The following MAP7 variants were observed in gnomAD, a reference collection of about 807,000 sequenced individuals.
MAP7 encodes microtubule associated protein 7, also known as ensconsin.
A neutral mutation model predicts 94.8 loss-of-function variants in MAP7; 52 were observed. The observed-to-expected ratio is 0.55, with a 90% CI of 0.44 to 0.69. The LOEUF (loss-of-function observed/expected upper bound fraction) is 0.69, where lower values mean the gene tolerates loss of function less well. Ranked by LOEUF, MAP7 falls within the 30% of genes least tolerant of loss-of-function variation. The pLI is 0.00. For synonymous variants in MAP7, 350 were observed against 357.0 expected, an observed-to-expected ratio of 0.98 and a Z score of 0.22; for missense variants, 940 against 964.6, an observed-to-expected ratio of 0.97 and a Z score of 0.34.
chr6:136,421,842 T>G, intron 1 of MAP7, 43 bp from the exon 2 acceptor site: 1 of 1,465,756 alleles, frequency 6.8e-7, no homozygotes, highest in East Asian at 2.3e-5. Flanking sequence ...TTTAGTTTCT[T>G]AAAATTTCTT....
intron 1 of MAP7, among the ~76,000 whole-genome samples, chr6:136,480,852 A>T (rs1812629681): frequency 6.6e-6 from 1 of 152,026 alleles, no homozygotes; most frequent in Non-Finnish European, 1.5e-5. Flanking sequence ...AGTGGAAGAA[A>T]ATATTTGCAA....
chr6:136,374,472 G>T (rs1035343205), intron 7 of MAP7, among the ~76,000 whole-genome samples: 5 of 152,306 alleles, frequency 3.3e-5, no homozygotes, highest in Non-Finnish European at 7.3e-5. Context: ...CACAGCCGGA[G>T]GCCATTCACC....
chr6:136,420,538 C>G, intron 2 of MAP7: 1 of 258,686 alleles, frequency 3.9e-6, no homozygotes, highest in Non-Finnish European at 7.5e-6. Context: ...GTTGTTTGCT[C>G]ATACAGTACA....
At chr6:136,525,258 C>T (rs1423303496) in intron 1 of MAP7, among the ~76,000 whole-genome samples, 1 of 152,208 alleles carries the variant, frequency 6.6e-6, no homozygotes, top group Non-Finnish European at 1.5e-5. Flanking sequence ...TATACAACCT[C>T]ATGATCTCCT....
intron 16 of MAP7, among the ~76,000 whole-genome samples, chr6:136,350,653 G>C (rs1788911594): frequency 6.6e-6 from 1 of 152,198 alleles, no homozygotes; most frequent in African/African-American, 2.4e-5. Context: ...AAGAGTTTGA[G>C]ACTAGCCTGG....
At chr6:136,384,164 T>C (rs1448788636) in intron 5 of MAP7, among the ~76,000 whole-genome samples, 1 of 152,170 alleles carries the variant, frequency 6.6e-6, no homozygotes, top group Non-Finnish European at 1.5e-5. Context: ...GGTAACATGC[T>C]GGTAACATAG....
chr6:136,537,940 C>T (rs1829016181), intron 1 of MAP7, among the ~76,000 whole-genome samples: 1 of 152,194 alleles, frequency 6.6e-6, no homozygotes, highest in South Asian at 2.1e-4. Flanking sequence ...TGCCACCAAG[C>T]CCAGCTAATT....
At chr6:136,385,959 T>C (rs1274131001) in intron 5 of MAP7, among the ~76,000 whole-genome samples, 1 of 152,008 alleles carries the variant, frequency 6.6e-6, no homozygotes. Flanking sequence ...TTAGTAGAGA[T>C]ATGATTTCTC....
intron 2 of MAP7, among the ~76,000 whole-genome samples, chr6:136,413,518 C>T (rs1396796268): frequency 1.8e-4 from 27 of 148,186 alleles, no homozygotes; most frequent in African/African-American, 6.5e-4. Flanking sequence ...AGCGAGACAC[C>T]GTCTCAGAAA....
At chr6:136,440,978 A>G (rs1476800219) in intron 1 of MAP7, among the ~76,000 whole-genome samples, 1 of 152,208 alleles carries the variant, frequency 6.6e-6, no homozygotes, top group Non-Finnish European at 1.5e-5. Flanking sequence ...TTCACTTAAT[A>G]TAATGTCCTC....
intron 15 of MAP7, among the ~76,000 whole-genome samples, chr6:136,357,584 T>A (rs1235947794): frequency 6.6e-6 from 1 of 152,096 alleles, no homozygotes; most frequent in African/African-American, 2.4e-5. Flanking sequence ...AGCCTCGACC[T>A]CCTGGGCTTA....
At chr6:136,496,364 G>A (rs1469922463) in intron 1 of MAP7, among the ~76,000 whole-genome samples, 4 of 152,118 alleles carry the variant, frequency 2.6e-5, no homozygotes, top group African/African-American at 9.7e-5. Context: ...CTAATAAATG[G>A]ATAGGATGAG....
chr6:136,454,301 A>G (rs1397813736), intron 1 of MAP7, among the ~76,000 whole-genome samples: 1 of 151,434 alleles, frequency 6.6e-6, no homozygotes, highest in Non-Finnish European at 1.5e-5. Flanking sequence ...CTATCTATCT[A>G]TCTATCTATC....
chr6:136,345,836 G>A lies in MAP7; in HGVS notation c.2239+20C>T. 1 of 1,586,682 alleles carries A rather than the reference G, an allele frequency of 6.3e-7. No homozygotes were observed. Among genetic ancestry groups the A allele is most frequent in the Non-Finnish European group, 8.7e-7 (1 of 1,154,968 alleles). On this transcript the variant is annotated intron_variant, in intron 17 of 17. Coordinates refer to ENST00000354570, the MANE Select transcript of MAP7 (RefSeq NM_003980.6). ...CAGATATTTCTGATGACTACAGAAG[G>A]GAGTTGGAGGCAAGCTTACCTGCAG... is the stretch of plus-strand genomic sequence containing the variant.
At position 136,477,059 on chromosome 6, in the gene MAP7, G is replaced by A. The variant is rs556045130; in HGVS notation, c.68-55260C>T. On this transcript the variant is annotated intron_variant, in intron 1 of 17. Transcript: ENST00000354570. ...TAAGAAAGAAGAGAATATTTACATGGTTTCAAAATAATTCCTCATAAGATA... is the reference window on the plus strand; with the variant it reads ...TAAGAAAGAAGAGAATATTTACATGATTTCAAAATAATTCCTCATAAGATA... 2.6e-4 allele frequency among the ~76,000 whole-genome samples: 39 copies of A among 152,260 alleles called. No homozygotes were observed. In the South Asian group the frequency reaches 2.7e-3, roughly 11 times the overall value.
rs1172050529 is a variant in MAP7 at position 136,498,680 on chromosome 6, CTG to C, written c.67+51660_67+51661del. On this transcript the variant is annotated intron_variant, in intron 1 of 17. Transcript: ENST00000354570. ...AATGGAAGATGGAGGAGATGAAAGA[CTG>C]TGTGAACCAAGAGATCCCACAAGCC... Among the ~76,000 whole-genome samples the C allele has an allele frequency of 2.0e-5, 3 of 152,118 alleles. No individual in the cohort carries two copies. The East Asian group carries it at 5.8e-4, about 29-fold the overall frequency.
At position 136,376,298 on chromosome 6, in the gene MAP7, C is replaced by G. The variant is rs566160261; in HGVS notation, c.751+1457G>C. On this transcript the variant is annotated intron_variant, in intron 7 of 17. Coordinates refer to ENST00000354570, the MANE Select transcript of MAP7 (RefSeq NM_003980.6). ...TATTTTTAGTAGAGACGGGGTTTCA[C>G]CGTGTTAGCCAGGATGGTCTCGATT... 9.3e-5 allele frequency among the ~76,000 whole-genome samples: 14 copies of G among 151,340 alleles called. No homozygotes were observed. In the East Asian group the frequency reaches 2.6e-3, roughly 28 times the overall value.
chr6:136,445,106 T>C (rs528872551), intron 1 of MAP7, among the ~76,000 whole-genome samples: 1 of 152,198 alleles, frequency 6.6e-6, no homozygotes, highest in Non-Finnish European at 1.5e-5. Flanking sequence ...CCCCACATTA[T>C]GCCAATTTGG....
chr6:136,407,710 C>T (rs1211945524), intron 3 of MAP7, among the ~76,000 whole-genome samples: 1 of 152,136 alleles, frequency 6.6e-6, no homozygotes, highest in Non-Finnish European at 1.5e-5. Context: ...TGGGTAGCTA[C>T]AAGTGGCCCA....
Sources: gnomAD v4.1 joint callset for allele counts (sites outside exome capture counted in the v4.1 genomes callset) on GRCh38, gnomAD v4.1.1 for gene constraint, MANE v1.5 for transcripts, NCBI Gene and HGNC (gene_info 2026-07-23, HGNC 2026-07-21) for gene names.